Variants in CHD7 observed in about 807,000 individuals in gnomAD.
CHD7 encodes chromodomain helicase DNA binding protein 7.
Under a neutral mutation model 307.3 loss-of-function variants are expected in CHD7, and 24 were observed. The ratio of observed to expected loss-of-function variants is 0.08; its 90% CI spans 0.06 to 0.11. The LOEUF (loss-of-function observed/expected upper bound fraction) is 0.11. CHD7 is among the 10% of genes least tolerant of loss of function. The pLI is 1.00. For synonymous variants in CHD7, 1,363 were observed against 1,349.9 expected, an observed-to-expected ratio of 1.01 and a Z score of -0.21; for missense variants, 3,106 against 3,727.1, an observed-to-expected ratio of 0.83 and a Z score of 4.34.
chr8:60,852,895 G>A lies in CHD7; in HGVS notation c.6170G>A (p.Arg2057His), dbSNP rs1318631549. 5 of 1,613,926 alleles carry A rather than the reference G, an allele frequency of 3.1e-6. No individual in the cohort carries two copies. The highest frequency in any genetic ancestry group is 1.3e-5 in the African/African-American group (1 of 75,032). Residue 2057 changes from arginine (R) to histidine (H), a missense_variant, in exon 31 of 38, where the codon CGC becomes CAC. Transcript: ENST00000423902. ...TEERASRTLY[R>H]IELLRKIREQ... ...GAGCGAGCCTCTCGAACTCTGTACCGCATTGAGCTGCTACGGAAGATCCGC... is the reference window on the plus strand; with the variant it reads ...GAGCGAGCCTCTCGAACTCTGTACCACATTGAGCTGCTACGGAAGATCCGC...
chr8:60,721,697 G>GATGCTGCCAATGCTGCCA (rs904115931), intron 1 of CHD7, among the ~76,000 whole-genome samples: 1 of 152,184 alleles, frequency 6.6e-6, no homozygotes, highest in Admixed American at 6.5e-5. Context: ...TGATGCTGCC[G>GATGCTGCCAATGCTGCCA]ATGCTGCCAA....
chr8:60,763,794 C>T (rs964133473), intron 2 of CHD7, among the ~76,000 whole-genome samples: 1 of 152,076 alleles, frequency 6.6e-6, no homozygotes, highest in African/African-American at 2.4e-5. Flanking sequence ...CTCACTTGGA[C>T]ATCCTGTCAC....
intron 2 of CHD7, among the ~76,000 whole-genome samples, chr8:60,749,298 G>C (rs1259817143): frequency 6.7e-6 from 1 of 149,162 alleles, no homozygotes; most frequent in Non-Finnish European, 1.5e-5. Context: ...TTGAACCCGT[G>C]AGGCGGAGGT....
chr8:60,811,805 A>G (rs530374378), intron 7 of CHD7, among the ~76,000 whole-genome samples: 2 of 152,282 alleles, frequency 1.3e-5, no homozygotes, highest in African/African-American at 4.8e-5. Context: ...TCAACAAAGT[A>G]TGCAAACACC....
intron 9 of CHD7, among the ~76,000 whole-genome samples, chr8:60,820,757 G>A (rs1803989888): frequency 1.3e-5 from 2 of 152,056 alleles, no homozygotes; most frequent in Admixed American, 1.3e-4. Flanking sequence ...GCTTTTCTAG[G>A]GAGGGTCTGC....
In CHD7 at chr8:60,678,851, C is replaced by G. The variant is rs1420882900; in HGVS notation, c.-406C>G. ...GTGGTGGTGCGGACGCGCTCGTGCT[C>G]GGGAACTATCGGATTAAACTTGAAT... On this transcript the variant is annotated 5_prime_UTR_variant, in exon 1 of 38. Coordinates refer to ENST00000423902, the MANE Select transcript of CHD7 (RefSeq NM_017780.4). 3 of 147,912 alleles carry G rather than the reference C, an allele frequency of 2.0e-5. No individual in the cohort carries two copies. Among genetic ancestry groups the G allele is most frequent in the African/African-American group, 7.5e-5 (3 of 40,128 alleles). 9.2% of individuals were successfully genotyped at this position (147,912 alleles called of 1,614,324 possible).
chr8:60,714,048 A>G (rs1807419595), intron 1 of CHD7, among the ~76,000 whole-genome samples: 1 of 147,888 alleles, frequency 6.8e-6, no homozygotes, highest in African/African-American at 2.5e-5. Context: ...TCAGACTCCC[A>G]GGGCTGCTTA....
At chr8:60,771,760 G>A (rs1346486081) in intron 2 of CHD7, among the ~76,000 whole-genome samples, 1 of 144,898 alleles carries the variant, frequency 6.9e-6, no homozygotes, top group Non-Finnish European at 1.5e-5. Flanking sequence ...TTGGGTGGGG[G>A]GCTTCAGTAA....
chr8:60,723,794 G>A (rs143006522), intron 1 of CHD7, among the ~76,000 whole-genome samples: 11 of 152,266 alleles, frequency 7.2e-5, no homozygotes, highest in Non-Finnish European at 1.2e-4. Flanking sequence ...AAGTTGTAAG[G>A]CCTCAAATGC....
At chr8:60,851,182 G>C in intron 27 of CHD7, 78 bp downstream of exon 27, 1 of 1,482,894 alleles carries the variant, frequency 6.7e-7, no homozygotes, top group Non-Finnish European at 9.2e-7. Flanking sequence ...AAACTTTATA[G>C]ATAATGACCT....
intron 19 of CHD7, among the ~76,000 whole-genome samples, chr8:60,839,769 T>C (rs186526412): frequency 1.5e-3 from 232 of 152,336 alleles, no homozygotes; most frequent in Non-Finnish European, 2.7e-3. Flanking sequence ...AGTTCTTTGT[T>C]CATTTTTTGA....
chr8:60,833,134 G>T (rs1286845706), intron 15 of CHD7, among the ~76,000 whole-genome samples: 2 of 152,184 alleles, frequency 1.3e-5, no homozygotes, highest in East Asian at 3.8e-4. Flanking sequence ...GCATTTAAAA[G>T]GAAATTCTTT....
intron 2 of CHD7, among the ~76,000 whole-genome samples, chr8:60,752,233 G>A (rs527269251): frequency 8.1e-4 from 124 of 152,320 alleles, no homozygotes; most frequent in Non-Finnish European, 1.6e-3. Flanking sequence ...TAATCTTAAA[G>A]AGTCTTTTTG....
rs763774718 is a variant in CHD7 at position 60,837,827 on chromosome 8, A to G, written c.4345A>G (p.Thr1449Ala). The change falls in exon 18 of 38, where the codon ACC becomes GCC. Residue 1449 changes from threonine to alanine, a missense_variant. Physicochemically the swap from Thr to Ala is moderately conservative, Grantham distance 58. This residue lies in a region of CHD7 where 93 missense variants were observed against 176.4 expected (regional missense o/e 0.53). Transcript: ENST00000423902. ...GTCTATGAGTGGAAGAGAAAATGCT[A>G]CCAATGGGGTAAAACCACCCTTGCC... ...LQSMSGRENA[T>A]NGVQQLSKKE... 5.6e-6 allele frequency: 9 copies of G among 1,612,482 alleles called. No individual in the cohort carries two copies. The East Asian group carries it at 6.7e-5, about 12-fold the overall frequency.
At chr8:60,738,027 A>G (rs371117019) in intron 1 of CHD7, among the ~76,000 whole-genome samples, 24 of 152,276 alleles carry the variant, frequency 1.6e-4, no homozygotes, top group African/African-American at 4.8e-4. Context: ...CAAATAAAAC[A>G]TAAATGCAAC....
At chr8:60,859,948 T>C (rs1325912651) in intron 34 of CHD7, among the ~76,000 whole-genome samples, 1 of 151,972 alleles carries the variant, frequency 6.6e-6, no homozygotes. Flanking sequence ...GGTGTGGAGG[T>C]TGGATTGAAG....
At chr8:60,707,481 T>C (rs1385080841) in intron 1 of CHD7, among the ~76,000 whole-genome samples, 1 of 152,222 alleles carries the variant, frequency 6.6e-6, no homozygotes, top group Non-Finnish European at 1.5e-5. Context: ...TTAATGTAAC[T>C]GATAGCTCAT....
chr8:60,726,036 G>C (rs1025253543), intron 1 of CHD7, among the ~76,000 whole-genome samples: 3 of 152,194 alleles, frequency 2.0e-5, no homozygotes, highest in African/African-American at 7.2e-5. Context: ...AAACCAGGGA[G>C]GAGCAGTTAC....
intron 2 of CHD7, among the ~76,000 whole-genome samples, chr8:60,777,534 A>T (rs1470823478): frequency 6.6e-6 from 1 of 152,304 alleles, no homozygotes; most frequent in South Asian, 2.1e-4. Context: ...TGATTCTTCT[A>T]TGCATTTTGG....
Sources: gnomAD v4.1 joint callset for allele counts (sites outside exome capture counted in the v4.1 genomes callset) on GRCh38, gnomAD v4.1.1 for gene constraint, gnomAD v4.1.1 regional missense constraint, MANE v1.5 for transcripts, NCBI Gene and HGNC (gene_info 2026-07-23, HGNC 2026-07-21) for gene names.